HIVEP3: variants seen among roughly 807,000 people sequenced by gnomAD.
The protein encoded by HIVEP3 is transcription factor HIVEP3.
A neutral mutation model predicts 152.8 loss-of-function variants in HIVEP3; 49 were observed. That is an observed-to-expected ratio of 0.32 (90% CI 0.26 to 0.41). The LOEUF (loss-of-function observed/expected upper bound fraction) is 0.41. Ranked by LOEUF, HIVEP3 falls within the 10% of genes least tolerant of loss-of-function variation. The pLI is 1.00. For synonymous variants in HIVEP3, 1,269 were observed against 1,289.0 expected (o/e 0.98, Z 0.33); for missense variants, 2,790 against 3,103.3 (o/e 0.90, Z 2.40).
rs998265023 is a variant in HIVEP3 at position 41,513,716 on chromosome 1, T to A, written c.5505A>T (p.Gly1835=). 1.3e-6 allele frequency: 2 copies of A among 1,589,724 alleles called. No homozygotes were observed. The highest frequency in any genetic ancestry group is 1.7e-6 in the Non-Finnish European group (2 of 1,168,866). The change falls in exon 8 of 9, where the codon GGA becomes GGT. Residue 1835 remains glycine (G), a synonymous_variant. Coordinates refer to ENST00000372583, the MANE Select transcript of HIVEP3 (RefSeq NM_024503.5). ...CCTCCACAGCCTCTGAACCCTCTCG[T>A]CCTTCCGAGTCCTGGAACAGGTCGT... The part of the protein sequence containing the change: ...TSDDLFQDSE[G]REGSEAVEEH...
chr1:41,884,855 G>T (rs988746494), intron 1 of HIVEP3, among the ~76,000 whole-genome samples: 1 of 149,846 alleles, frequency 6.7e-6, no homozygotes, highest in Non-Finnish European at 1.5e-5. Context: ...AGGCCCAGGT[G>T]GGGGACAAGA....
chr1:41,907,690 C>T lies in HIVEP3; in HGVS notation c.-801+10723G>A, dbSNP rs114666531. Among the ~76,000 whole-genome samples, 570 of 152,290 alleles carry T rather than the reference C, an allele frequency of 3.7e-3. 4 individuals carry two copies. Among genetic ancestry groups the T allele is most frequent in the African/African-American group, 9.8e-3 (406 of 41,554 alleles). On this transcript the variant is annotated intron_variant, in intron 1 of 8. Coordinates refer to ENST00000372583, the MANE Select transcript of HIVEP3 (RefSeq NM_024503.5). ...ACAATGACAACCCAACTGTCCCTTG[C>T]GCAGAAGTTACACCAAGAAGTGAGC...
At chr1:41,621,980 G>A (rs1253808392) in intron 3 of HIVEP3, among the ~76,000 whole-genome samples, 1 of 152,192 alleles carries the variant, frequency 6.6e-6, no homozygotes, top group East Asian at 1.9e-4. Context: ...CAAACACACA[G>A]ACCATCATCA....
intron 1 of HIVEP3, among the ~76,000 whole-genome samples, chr1:41,939,588 C>T (rs1007629934): frequency 4.1e-4 from 62 of 152,226 alleles, no homozygotes; most frequent in African/African-American, 1.3e-3. Flanking sequence ...CAGAGCTCCA[C>T]GATTCTGTCT....
intron 1 of HIVEP3, among the ~76,000 whole-genome samples, chr1:41,770,402 C>T (rs1383202141): frequency 1.3e-5 from 2 of 152,174 alleles, no homozygotes; most frequent in African/African-American, 4.8e-5. Context: ...GCAGGTGGAG[C>T]TTCGTTCCCC....
chr1:41,739,799 G>C (rs1182939284), intron 1 of HIVEP3, among the ~76,000 whole-genome samples: 2 of 152,238 alleles, frequency 1.3e-5, no homozygotes, highest in Admixed American at 1.3e-4. Flanking sequence ...CATGTGACTT[G>C]TTTAAGGCAG....
At chr1:42,008,052 A>C (rs1468553159) in intron 1 of HIVEP3, among the ~76,000 whole-genome samples, 1 of 152,184 alleles carries the variant, frequency 6.6e-6, no homozygotes, top group Non-Finnish European at 1.5e-5. Flanking sequence ...GTGATTGATA[A>C]ATTTACATCA....
chr1:41,919,012 C>T (rs142180054), upstream of HIVEP3, among the ~76,000 whole-genome samples: 4 of 152,230 alleles, frequency 2.6e-5, 1 homozygote, highest in African/African-American at 7.2e-5. Context: ...GAAGCCAGTC[C>T]CATGCCTAAA....
chr1:42,027,390 A>G (rs1329163201), intron 1 of HIVEP3, among the ~76,000 whole-genome samples: 3 of 152,228 alleles, frequency 2.0e-5, no homozygotes, highest in Non-Finnish European at 4.4e-5. Context: ...TTCTCCATAT[A>G]GAATTTATTT....
chr1:41,816,011 C>A (rs1336608620), intron 1 of HIVEP3, among the ~76,000 whole-genome samples: 1 of 152,076 alleles, frequency 6.6e-6, no homozygotes, highest in African/African-American at 2.4e-5. Flanking sequence ...GGAGTAAGTC[C>A]CCAAAGAGCT....
chr1:41,892,593 A>G (rs1161112840), intron 1 of HIVEP3, among the ~76,000 whole-genome samples: 2 of 152,184 alleles, frequency 1.3e-5, no homozygotes, highest in Non-Finnish European at 2.9e-5. Context: ...GCAACGATAA[A>G]TGTTGAACGT....
At chr1:41,930,584 G>T (rs1388489197) in intron 1 of HIVEP3, among the ~76,000 whole-genome samples, 1 of 152,120 alleles carries the variant, frequency 6.6e-6, no homozygotes, top group Admixed American at 6.6e-5. Context: ...ATTCATGTAT[G>T]GGTTTCTAAG....
chr1:41,812,734 C>T lies in HIVEP3; in HGVS notation c.-801+105679G>A, dbSNP rs1333634203. 3.3e-5 allele frequency among the ~76,000 whole-genome samples: 5 copies of T among 151,452 alleles called. No individual in the cohort carries two copies. The East Asian group carries it at 9.7e-4, about 29-fold the overall frequency. On this transcript the variant is annotated intron_variant, in intron 1 of 8. Transcript: ENST00000372583. Reference sequence around the variant, plus strand: ...CAGAGAAGACTGGCCAGCTGGGCTGCGAAGCCACCACTCCAACAGTTCCCT... The same window carrying T: ...CAGAGAAGACTGGCCAGCTGGGCTGTGAAGCCACCACTCCAACAGTTCCCT...
At position 41,582,784 on chromosome 1, in the gene HIVEP3, C is replaced by T. The variant is rs201109287; in HGVS notation, c.2014G>A (p.Ala672Thr). Residue 672 changes from alanine to threonine, a missense_variant, in exon 4 of 9, where the codon GCA becomes ACA. Physicochemically the swap from Ala to Thr is moderately conservative, Grantham distance 58. This residue lies in a region of HIVEP3 where 339 missense variants were observed against 327.0 expected (regional missense o/e 1.04). Coordinates refer to ENST00000372583, the MANE Select transcript of HIVEP3 (RefSeq NM_024503.5). The surrounding 1 kb of genome is among the most constrained non-coding windows in gnomAD (Gnocchi z 4.7). ...KKYYCSELQI[A>T]KPISAGTHTS... ...TGGGTGCCTGCAGAGATGGGCTTTGCGATCTGAAGCTCTGAGCAGTAGTAT... is the reference window on the plus strand; with the variant it reads ...TGGGTGCCTGCAGAGATGGGCTTTGTGATCTGAAGCTCTGAGCAGTAGTAT... 1.5e-5 allele frequency: 24 copies of T among 1,614,150 alleles called. No individual in the cohort carries two copies. Among genetic ancestry groups the T allele is most frequent in the East Asian group, 2.2e-5 (1 of 44,890 alleles).
At chr1:41,676,005 C>G (rs1308326434) in intron 2 of HIVEP3, among the ~76,000 whole-genome samples, 1 of 151,998 alleles carries the variant, frequency 6.6e-6, no homozygotes, top group Non-Finnish European at 1.5e-5. Context: ...AATGCCACAT[C>G]ACCCCGCTTC....
intron 1 of HIVEP3, among the ~76,000 whole-genome samples, chr1:41,832,058 C>T (rs917694761): frequency 6.6e-6 from 1 of 152,180 alleles, no homozygotes; most frequent in Non-Finnish European, 1.5e-5. Context: ...GATTCTGAAT[C>T]AGAATGTTTG....
Position 41,895,643 on chromosome 1 carries a change from C to T in HIVEP3, c.-801+22770G>A, listed in dbSNP as rs577785116. 1.4e-3 allele frequency among the ~76,000 whole-genome samples: 211 copies of T among 152,190 alleles called. 2 individuals are homozygous for T. Among genetic ancestry groups the T allele is most frequent in the African/African-American group, 4.6e-3 (193 of 41,520 alleles). ...TGTTTAGAGGTGTAACTGGACCCCC[C>T]GCAGGCCCAAGGGAAGGCTGTTCTA... On this transcript the variant is annotated intron_variant, in intron 1 of 8. Transcript: ENST00000372583.
At chr1:41,940,066 T>C (rs888812862) in intron 1 of HIVEP3, among the ~76,000 whole-genome samples, 2 of 152,216 alleles carry the variant, frequency 1.3e-5, no homozygotes, top group Non-Finnish European at 2.9e-5. Flanking sequence ...TTTTGAATGA[T>C]ACCTAAAAGA....
intron 1 of HIVEP3, among the ~76,000 whole-genome samples, chr1:41,988,017 T>A (rs1244890570): frequency 6.6e-6 from 1 of 152,200 alleles, no homozygotes; most frequent in African/African-American, 2.4e-5. Context: ...TAGGTCGAGA[T>A]GAGATTTGGG....
Sources: allele counts gnomAD v4.1 joint callset (sites outside exome capture counted in the v4.1 genomes callset), GRCh38; gene constraint gnomAD v4.1.1; regional missense constraint gnomAD v4.1.1; non-coding constraint Gnocchi (gnomAD v3.1); transcripts MANE v1.5; gene names NCBI Gene and HGNC (gene_info 2026-07-23, HGNC 2026-07-21).